Variants in FYB1 observed in about 807,000 individuals in gnomAD.
FYB1 encodes FYN binding protein 1.
FYB1 carries 41 observed loss-of-function variants against 94.1 expected under a neutral mutation model. That is an observed-to-expected ratio of 0.44 (90% CI 0.34 to 0.57). The LOEUF is 0.57. FYB1 is among the 20% of genes least tolerant of loss of function. FYB1 has a pLI of 0.02. For missense variants in FYB1, 1,050 were observed against 976.8 expected (o/e 1.07, Z -1.00); for synonymous variants, 367 against 353.2 (o/e 1.04, Z -0.44).
chr5:39,203,092 G>A (rs1748527662), intron 1 of FYB1, 105 bp from the exon 2 acceptor site: 2 of 930,372 alleles, frequency 2.1e-6, no homozygotes, highest in Middle Eastern at 3.4e-4. Context: ...CTGCAGCGTT[G>A]CTGATTGGTT....
chr5:39,144,486 G>A (rs1742467004), intron 3 of FYB1, among the ~76,000 whole-genome samples: 1 of 152,090 alleles, frequency 6.6e-6, no homozygotes, highest in African/African-American at 2.4e-5. Flanking sequence ...AAAAAGACAT[G>A]GAGAGTGAAC....
Position 39,182,333 on chromosome 5 carries a change from G to A in FYB1, c.1135+19493C>T, listed in dbSNP as rs1579588128. Among the ~76,000 whole-genome samples the A allele has an allele frequency of 3.9e-5, 4 of 101,462 alleles. No individual in the cohort carries two copies. In the South Asian group the frequency reaches 1.1e-3, roughly 28 times the overall value. 66.6% of individuals were successfully genotyped at this position (101,462 alleles called of 152,430 possible). On this transcript the variant is annotated intron_variant, in intron 2 of 18. Coordinates refer to ENST00000512982, the MANE Select transcript of FYB1 (RefSeq NM_001465.6). ...TGTGTGTGTGTGTGTGTGTGTGTGT[G>A]TGTGTGTGTGTGTATGTGGTCAAGT...
chr5:39,154,545 C>T (rs1743573132), intron 2 of FYB1, among the ~76,000 whole-genome samples: 3 of 149,430 alleles, frequency 2.0e-5, no homozygotes, highest in African/African-American at 2.5e-5. Flanking sequence ...CTAGCTCTGT[C>T]GCCCAGGCTG....
upstream of FYB1, among the ~76,000 whole-genome samples, chr5:39,224,317 T>G (rs112134244): frequency 1.3e-5 from 2 of 152,172 alleles, no homozygotes; most frequent in Admixed American, 6.5e-5. Context: ...GTCCTGACGG[T>G]TTCCCTTACT....
chr5:39,134,815 A>G (rs1482815570), intron 8 of FYB1, 40 bp downstream of exon 8: 1 of 1,609,332 alleles, frequency 6.2e-7, no homozygotes, highest in Non-Finnish European at 8.5e-7. Flanking sequence ...ATTGCCTCGC[A>G]AAGAAAATAC....
intron 1 of FYB1, among the ~76,000 whole-genome samples, chr5:39,242,962 C>A (rs1204283101): frequency 3.9e-5 from 6 of 152,050 alleles, no homozygotes; most frequent in Non-Finnish European, 8.8e-5. Context: ...CTGTTCATAT[C>A]CTTTGCCCAC....
At chr5:39,238,267 G>A (rs1209739856) in intron 1 of FYB1, among the ~76,000 whole-genome samples, 1 of 151,982 alleles carries the variant, frequency 6.6e-6, no homozygotes. Flanking sequence ...ATATCTGTGT[G>A]TGTGTGTATG....
intron 1 of FYB1, among the ~76,000 whole-genome samples, chr5:39,206,116 TATG>T (rs1320157446): frequency 3.3e-5 from 5 of 152,232 alleles, no homozygotes; most frequent in African/African-American, 7.2e-5. Flanking sequence ...ATAATAGAGT[TATG>T]ATATTTAAGT....
Position 39,119,006 on chromosome 5 carries a change from T to G in FYB1, c.2269A>C (p.Thr757Pro), listed in dbSNP as rs765245934. The change falls in exon 16 of 19, where the codon ACT becomes CCT. Residue 757 changes from threonine to proline, a missense_variant. Thr to Pro is a conservative substitution (Grantham distance 38). Coordinates refer to ENST00000512982, the MANE Select transcript of FYB1 (RefSeq NM_001465.6). ...YDGEIRVLYS[T>P]KVTTSITSKK... The stretch of plus-strand genomic sequence containing the variant: ...GAAGTTATGGAAGTTGTAACTTTAG[T>G]TGAATATAGGACTCTAATTTCACCA... The G allele has an allele frequency of 1.1e-5, 16 of 1,506,382 alleles. No individual in the cohort carries two copies. Among genetic ancestry groups the G allele is most frequent in the East Asian group, 2.4e-5 (1 of 42,542 alleles). 93.3% of individuals were successfully genotyped at this position (1,506,382 alleles called of 1,614,324 possible). A position where few individuals can be genotyped will look rare whatever the true frequency, so the allele number is the denominator to read the frequency against.
intron 2 of FYB1, among the ~76,000 whole-genome samples, chr5:39,172,542 G>T (rs1745341241): frequency 6.6e-6 from 1 of 152,124 alleles, no homozygotes; most frequent in South Asian, 2.1e-4. Context: ...GAGGCTTGGG[G>T]TCCCAGTGAT....
chr5:39,156,199 T>G (rs1056616335), intron 2 of FYB1, among the ~76,000 whole-genome samples: 1 of 152,168 alleles, frequency 6.6e-6, no homozygotes, highest in Non-Finnish European at 1.5e-5. Flanking sequence ...GAAAACTGAC[T>G]TTCCCAAACC....
intron 1 of FYB1, among the ~76,000 whole-genome samples, chr5:39,209,615 C>T (rs577316901): frequency 1.3e-5 from 2 of 152,308 alleles, no homozygotes; most frequent in East Asian, 3.9e-4. Context: ...AGGCGTGAGC[C>T]ACCGCACCCG....
intron 2 of FYB1, among the ~76,000 whole-genome samples, chr5:39,187,320 T>G (rs1337584491): frequency 6.6e-6 from 1 of 152,234 alleles, no homozygotes; most frequent in Non-Finnish European, 1.5e-5. Flanking sequence ...CTTGCTTATC[T>G]TTGAAGATCC....
chr5:39,114,578 A>G (rs1237926373), intron 16 of FYB1, among the ~76,000 whole-genome samples: 1 of 152,206 alleles, frequency 6.6e-6, no homozygotes, highest in Admixed American at 6.6e-5. Flanking sequence ...ACAAATGCAA[A>G]GGCATTTGTA....
At chr5:39,167,622 C>T (rs895088203) in intron 2 of FYB1, among the ~76,000 whole-genome samples, 1 of 152,126 alleles carries the variant, frequency 6.6e-6, no homozygotes, top group Non-Finnish European at 1.5e-5. Flanking sequence ...TCAGTCTTCC[C>T]CCTTGACTAA....
chr5:39,246,139 G>C (rs1454856111), intron 1 of FYB1, among the ~76,000 whole-genome samples: 1 of 152,100 alleles, frequency 6.6e-6, no homozygotes, highest in Non-Finnish European at 1.5e-5. Context: ...TGTTTGGGGT[G>C]GACCAGTGGC....
chr5:39,153,665 A>T, intron 2 of FYB1, 61 bp from the exon 3 acceptor site: 1 of 1,491,202 alleles, frequency 6.7e-7, no homozygotes, highest in Non-Finnish European at 9.1e-7. Flanking sequence ...AAGATTGTTA[A>T]TTGCAAACAT....
At chr5:39,267,200 C>G (rs1213408431) in intron 1 of FYB1, among the ~76,000 whole-genome samples, 1 of 152,204 alleles carries the variant, frequency 6.6e-6, no homozygotes, top group Non-Finnish European at 1.5e-5. Context: ...TATTACTCTC[C>G]TGCAATCACT....
At chr5:39,109,206 C>T (rs561382555) in intron 17 of FYB1, among the ~76,000 whole-genome samples, 1 of 152,014 alleles carries the variant, frequency 6.6e-6, no homozygotes, top group East Asian at 1.9e-4. Flanking sequence ...GCTGTGAGTT[C>T]CCTATGTCTT....
Sources: allele counts gnomAD v4.1 joint callset (sites outside exome capture counted in the v4.1 genomes callset), GRCh38; gene constraint gnomAD v4.1.1; transcripts MANE v1.5; gene names NCBI Gene and HGNC (gene_info 2026-07-23, HGNC 2026-07-21).